The following PLCG2 variants were observed in gnomAD, a reference collection of about 807,000 sequenced individuals.
PLCG2 encodes the protein phospholipase C gamma 2, also known as 1-phosphatidylinositol 4,5-bisphosphate phosphodiesterase gamma-2.
A neutral mutation model predicts 175.6 loss-of-function variants in PLCG2; 69 were observed. The observed-to-expected ratio is 0.39, with a 90% CI of 0.32 to 0.48. The LOEUF (loss-of-function observed/expected upper bound fraction) is 0.48, where lower values mean the gene tolerates loss of function less well. PLCG2 is among the 20% of genes least tolerant of loss of function. The pLI is 0.91. For missense variants in PLCG2, 1,798 were observed against 1,650.9 expected (o/e 1.09, Z -1.54); for synonymous variants, 827 against 624.0 (o/e 1.33, Z -4.85).
rs149094609 is a variant in PLCG2 at position 81,752,968 on chromosome 16, C to A, written c.-144-2902C>A. On this transcript the variant is annotated intron_variant, in intron 1 of 5. Coordinates refer to the PLCG2 transcript ENST00000565054. ...GTTTCCTCATCTGTGTAGTGGAGAC[C>A]AACCACGGTACTTCGAAGGTCTGTA... 2.6e-3 allele frequency among the ~76,000 whole-genome samples: 392 copies of A among 152,334 alleles called. 2 individuals carry two copies. Among genetic ancestry groups the A allele is most frequent in the African/African-American group, 7.9e-3 (329 of 41,574 alleles).
chr16:81,855,867 TCTGA>T (rs1357069230), intron 3 of PLCG2, among the ~76,000 whole-genome samples: 1 of 151,998 alleles, frequency 6.6e-6, no homozygotes, highest in Non-Finnish European at 1.5e-5. Flanking sequence ...GGAGCGAATG[TCTGA>T]CTGATGATAT....
chr16:81,943,923 G>A (rs780099993), intron 30 of PLCG2, among the ~76,000 whole-genome samples: 4 of 152,092 alleles, frequency 2.6e-5, no homozygotes, highest in Non-Finnish European at 4.4e-5. Flanking sequence ...TAAAATCAAA[G>A]GATGGATGCT....
At chr16:81,895,509 G>C in intron 12 of PLCG2, 1 of 305,018 alleles carries the variant, frequency 3.3e-6, no homozygotes, top group South Asian at 4.5e-5. Context: ...GCAATGGGCC[G>C]AGATTGTGCC....
chr16:81,843,111 C>G (rs529864691), intron 2 of PLCG2, among the ~76,000 whole-genome samples: 1 of 152,092 alleles, frequency 6.6e-6, no homozygotes, highest in East Asian at 1.9e-4. Context: ...GCAGGAAACT[C>G]GGCCACTGAG....
chr16:81,930,747 CAAAAA>C (rs34004978), intron 24 of PLCG2, among the ~76,000 whole-genome samples: 3 of 125,808 alleles, frequency 2.4e-5, no homozygotes, highest in Non-Finnish European at 3.2e-5. Context: ...CACCCTGTCT[CAAAAA>C]AAAAAAAAAA....
intron 2 of PLCG2, among the ~76,000 whole-genome samples, chr16:81,851,253 C>T (rs1475480525): frequency 6.6e-6 from 1 of 152,260 alleles, no homozygotes; most frequent in Non-Finnish European, 1.5e-5. Flanking sequence ...CATTTAGCTG[C>T]TCCAGTGATA....
intron 2 of PLCG2, among the ~76,000 whole-genome samples, chr16:81,850,928 C>T (rs1336433035): frequency 2.0e-5 from 3 of 152,098 alleles, no homozygotes; most frequent in Non-Finnish European, 2.9e-5. Context: ...TTTGTTTCCT[C>T]GAGGTCTGCA....
At chr16:81,761,219 G>A (rs1204216534) in intron 2 of PLCG2, among the ~76,000 whole-genome samples, 2 of 152,066 alleles carry the variant, frequency 1.3e-5, no homozygotes, top group Admixed American at 1.3e-4. Context: ...TTTAAAGTTA[G>A]CTGGGTGTGG....
At chr16:81,816,601 C>A (rs1358153281) in intron 2 of PLCG2, among the ~76,000 whole-genome samples, 1 of 145,260 alleles carries the variant, frequency 6.9e-6, no homozygotes, top group African/African-American at 2.6e-5. Context: ...CCCTCAGCCT[C>A]ACAAGTAGCT....
At position 81,940,069 on chromosome 16, in the gene PLCG2, A is replaced by G. The variant is rs1379703717; in HGVS notation, c.3481+10A>G. 6.3e-7 allele frequency: 1 copy of G among 1,594,494 alleles called. No individual in the cohort carries two copies. Among genetic ancestry groups the G allele is most frequent in the Non-Finnish European group, 8.6e-7 (1 of 1,163,792 alleles). On this transcript the variant is annotated intron_variant, in intron 30 of 32. Transcript: ENST00000564138. ...AAAGCAGTCAAATCAGGTAAGAGGC[A>G]TTTTAATTAAGATGTTCGATTTGGG...
At chr16:81,894,658 A>C (rs918054720) in intron 12 of PLCG2, among the ~76,000 whole-genome samples, 3 of 152,142 alleles carry the variant, frequency 2.0e-5, no homozygotes, top group African/African-American at 7.2e-5. Flanking sequence ...GGATCACTTG[A>C]GATCAGGAGC....
Position 81,958,253 on chromosome 16 carries a change from C to T in PLCG2, c.*255C>T, listed in dbSNP as rs1567550652. 1.9e-6 allele frequency: 1 copy of T among 514,894 alleles called. No homozygotes were observed. Among genetic ancestry groups the T allele is most frequent in the Non-Finnish European group, 3.5e-6 (1 of 285,198 alleles). The allele number at this position is 514,894 out of a possible 1,614,324, so 31.9% of individuals were successfully genotyped here. A position where few individuals can be genotyped will look rare whatever the true frequency, so the allele number is the denominator to read the frequency against. The stretch of plus-strand genomic sequence containing the variant: ...AATGTGCTCCTCATTTTTGGCCTCT[C>T]ATGTTCCAAACCTCATTGAATAAAA... On this transcript the variant is annotated 3_prime_UTR_variant, in exon 33 of 33. Transcript: ENST00000564138.
At position 81,809,214 on chromosome 16, in the gene PLCG2, C is replaced by T. The variant is rs1904297634; in HGVS notation, c.193+23032C>T. ...AGCACACACCTCTGCACACCACAAG[C>T]CACTTGCTGGAAACACCTGTGACTA... is the stretch of plus-strand genomic sequence containing the variant. On this transcript the variant is annotated intron_variant, in intron 2 of 32. Coordinates refer to ENST00000564138, the MANE Select transcript of PLCG2 (RefSeq NM_002661.5). Among the ~76,000 whole-genome samples, 3 of 152,154 alleles carry T rather than the reference C, an allele frequency of 2.0e-5. 1 individual carries two copies. Among genetic ancestry groups the T allele is most frequent in the Non-Finnish European group, 2.9e-5 (2 of 68,026 alleles).
intron 2 of PLCG2, among the ~76,000 whole-genome samples, chr16:81,832,937 G>A (rs903945168): frequency 1.3e-5 from 2 of 152,220 alleles, no homozygotes; most frequent in Non-Finnish European, 2.9e-5. Context: ...ATACTTGAAG[G>A]CCTCCTGTGT....
chr16:81,856,988 T>TC (rs1330086026), intron 3 of PLCG2, among the ~76,000 whole-genome samples: 1 of 152,180 alleles, frequency 6.6e-6, no homozygotes, highest in Non-Finnish European at 1.5e-5. Context: ...AACAGATTCT[T>TC]CCCCAGAGCT....
chr16:81,902,481 T>C (rs1198779139), intron 14 of PLCG2, among the ~76,000 whole-genome samples: 1 of 152,206 alleles, frequency 6.6e-6, no homozygotes, highest in Non-Finnish European at 1.5e-5. Flanking sequence ...ACCTCTTTTA[T>C]TTTTAAATAT....
intron 2 of PLCG2, among the ~76,000 whole-genome samples, chr16:81,802,269 C>A (rs535328799): frequency 1.3e-5 from 2 of 151,680 alleles, no homozygotes; most frequent in Non-Finnish European, 2.9e-5. Context: ...CCCGCCACCG[C>A]GCCCAGCTAA....
At chr16:81,832,096 G>A (rs370987972) in intron 2 of PLCG2, among the ~76,000 whole-genome samples, 1,612 of 127,654 alleles carry the variant, frequency 0.013, 27 homozygotes, top group African/African-American at 0.04. Flanking sequence ...CTTCTCCTTT[G>A]ATAAATGGAG....
At position 81,907,496 on chromosome 16, in the gene PLCG2, A is replaced by G. The variant is rs72824903; in HGVS notation, c.1468-189A>G. ...GCTCAAATACCAAAAGAAGCTCAAAATGCATCGATATTTTAAAAAAGAAAT... is the reference window on the plus strand; with the variant it reads ...GCTCAAATACCAAAAGAAGCTCAAAGTGCATCGATATTTTAAAAAAGAAAT... On this transcript the variant is annotated intron_variant, in intron 15 of 32. Coordinates refer to ENST00000564138, the MANE Select transcript of PLCG2 (RefSeq NM_002661.5). Among the ~76,000 whole-genome samples the G allele has an allele frequency of 0.038, 5,826 of 152,330 alleles. 115 individuals carry two copies. Among genetic ancestry groups the G allele is most frequent in the South Asian group, 0.042 (203 of 4,832 alleles).
Sources: allele counts gnomAD v4.1 joint callset (sites outside exome capture counted in the v4.1 genomes callset), GRCh38; gene constraint gnomAD v4.1.1; transcripts MANE v1.5; gene names NCBI Gene and HGNC (gene_info 2026-07-23, HGNC 2026-07-21).